Variants in CEP128 observed in about 807,000 individuals in gnomAD.
The protein encoded by CEP128 is centrosomal protein 128.
A neutral mutation model predicts 156.7 loss-of-function variants in CEP128; 132 were observed. The ratio of observed to expected loss-of-function variants is 0.84; its 90% CI spans 0.73 to 0.97. CEP128 has a LOEUF of 0.97. Ranked by LOEUF, CEP128 falls within the 50% of genes least tolerant of loss-of-function variation. CEP128 has a pLI of 0.00. For missense variants in CEP128, 1,252 were observed against 1,281.9 expected, an observed-to-expected ratio of 0.98 and a Z score of 0.36; for synonymous variants, 469 against 448.9, an observed-to-expected ratio of 1.04 and a Z score of -0.57.
intron 19 of CEP128, among the ~76,000 whole-genome samples, chr14:80,619,097 T>G (rs1893353396): frequency 6.6e-6 from 1 of 152,016 alleles, no homozygotes; most frequent in South Asian, 2.1e-4. Flanking sequence ...CCTAAGGAAT[T>G]AAAACTGAAA....
At chr14:80,575,545 C>A (rs770337504) in intron 20 of CEP128, among the ~76,000 whole-genome samples, 2 of 151,944 alleles carry the variant, frequency 1.3e-5, no homozygotes, top group Non-Finnish European at 2.9e-5. Context: ...TAGAAGGTGG[C>A]GGAAGAGGGA....
rs144624686 is a variant in CEP128 at position 80,884,483 on chromosome 14, G to C, written c.645+11235C>G. Among the ~76,000 whole-genome samples the C allele has an allele frequency of 6.2e-3, 939 of 152,286 alleles. 13 individuals carry two copies. The highest frequency in any genetic ancestry group is 0.021 in the African/African-American group (890 of 41,552). On this transcript the variant is annotated intron_variant, in intron 8 of 24. Transcript: ENST00000555265. ...AAGTTCATCTCATTGGGACTGGCTA[G>C]ACAGTGGGTGCAGCCCACAGTGGAT...
In CEP128 at chr14:80,816,865, A is replaced by G. The variant is rs553658147; in HGVS notation, c.1209+14278T>C. On this transcript the variant is annotated intron_variant, in intron 13 of 24. Coordinates refer to ENST00000555265, the MANE Select transcript of CEP128 (RefSeq NM_152446.5). ...GGCTAAGAGCCCTCTTGGGAGTCTGAGAATGCCCCAAAGATTGGCAAAACC... is the reference window on the plus strand; with the variant it reads ...GGCTAAGAGCCCTCTTGGGAGTCTGGGAATGCCCCAAAGATTGGCAAAACC... Among the ~76,000 whole-genome samples the G allele has an allele frequency of 2.6e-4, 40 of 152,272 alleles. 1 individual carries two copies. The highest frequency in any genetic ancestry group is 9.4e-4 in the African/African-American group (39 of 41,548).
At chr14:80,654,844 C>T (rs1223615896) in intron 19 of CEP128, among the ~76,000 whole-genome samples, 1 of 152,078 alleles carries the variant, frequency 6.6e-6, no homozygotes, top group Non-Finnish European at 1.5e-5. Flanking sequence ...TCTTCATGGG[C>T]TTTAACACGT....
At chr14:80,517,690 C>T (rs1225716923) in intron 23 of CEP128, among the ~76,000 whole-genome samples, 1 of 152,138 alleles carries the variant, frequency 6.6e-6, no homozygotes, top group Non-Finnish European at 1.5e-5. Flanking sequence ...GCCTCTTGTT[C>T]TCTGACCTGG....
At chr14:80,651,925 T>C (rs1894922221) in intron 19 of CEP128, among the ~76,000 whole-genome samples, 1 of 152,242 alleles carries the variant, frequency 6.6e-6, no homozygotes, top group Admixed American at 6.5e-5. Context: ...TGTAGATATC[T>C]ATTAGGTCTG....
chr14:80,944,789 T>C (rs548201713), upstream of CEP128, among the ~76,000 whole-genome samples: 1 of 114,156 alleles, frequency 8.8e-6, no homozygotes, highest in African/African-American at 3.4e-5. Context: ...GCCACTGCAC[T>C]GCAGCCTGGG....
chr14:80,706,301 A>C lies in CEP128; in HGVS notation c.2806+36774T>G, dbSNP rs140084021. Among the ~76,000 whole-genome samples the C allele has an allele frequency of 1.6e-3, 250 of 152,262 alleles. 2 individuals carry two copies. Among genetic ancestry groups the C allele is most frequent in the African/African-American group, 5.5e-3 (228 of 41,556 alleles). ...AAATCTTACAAAGAGATCCCTGTAC[A>C]CTTTGCCCAGTTTTCCACAATGGCA... is the stretch of plus-strand genomic sequence containing the variant. On this transcript the variant is annotated intron_variant, in intron 19 of 24. Transcript: ENST00000555265.
chr14:80,498,523 C>A (rs535316991), intron 24 of CEP128, among the ~76,000 whole-genome samples: 1 of 152,264 alleles, frequency 6.6e-6, no homozygotes, highest in South Asian at 2.1e-4. Context: ...GAGACCATGG[C>A]CCTTTCTTCT....
chr14:80,492,565 A>G (rs1244636490), downstream of CEP128, among the ~76,000 whole-genome samples: 1 of 152,172 alleles, frequency 6.6e-6, no homozygotes, highest in Non-Finnish European at 1.5e-5. Flanking sequence ...GAGAGATGAA[A>G]TATTTCCAAT....
At chr14:80,655,727 T>C (rs1194754134) in intron 19 of CEP128, among the ~76,000 whole-genome samples, 1 of 152,104 alleles carries the variant, frequency 6.6e-6, no homozygotes, top group Non-Finnish European at 1.5e-5. Flanking sequence ...GGTAGAAAGA[T>C]AGATGGGTGC....
intron 2 of CEP128, among the ~76,000 whole-genome samples, chr14:80,921,323 G>C (rs999244391): frequency 2.6e-5 from 4 of 152,082 alleles, no homozygotes; most frequent in Non-Finnish European, 5.9e-5. Flanking sequence ...TAATGGATTA[G>C]TGGGCACTGG....
chr14:80,774,800 T>C (rs530917455), intron 16 of CEP128, among the ~76,000 whole-genome samples: 2 of 152,330 alleles, frequency 1.3e-5, no homozygotes, highest in East Asian at 3.9e-4. Context: ...CCCACCTGTT[T>C]GGTTTGCTTA....
chr14:80,766,091 G>A (rs548275825), intron 16 of CEP128, among the ~76,000 whole-genome samples: 1 of 152,294 alleles, frequency 6.6e-6, no homozygotes, highest in African/African-American at 2.4e-5. Context: ...CACTGAACAT[G>A]CATAATATCC....
At chr14:80,935,556 CAATAAATAAATAAATAAATA>C (rs59491221) in intron 2 of CEP128, among the ~76,000 whole-genome samples, 7 of 113,928 alleles carry the variant, frequency 6.1e-5, no homozygotes, top group African/African-American at 1.1e-4. Flanking sequence ...GAGTCTGTCT[CAATAAATAAATAAATAAATA>C]AATAAATAAA....
Position 80,681,229 on chromosome 14 carries a change from T to C in CEP128, c.2806+61846A>G, listed in dbSNP as rs563777556. Among the ~76,000 whole-genome samples, 24 of 151,936 alleles carry C rather than the reference T, an allele frequency of 1.6e-4. No homozygotes were observed. The South Asian group carries it at 2.9e-3, about 18-fold the overall frequency. On this transcript the variant is annotated intron_variant, in intron 19 of 24. Transcript: ENST00000555265. ...GTAAAAAGAAAGGAAAAAAATATTA[T>C]AGGGCAAGGGAAAAACAGAAAAAAA... is the stretch of plus-strand genomic sequence containing the variant.
At chr14:80,713,454 C>A (rs1341655248) in intron 19 of CEP128, among the ~76,000 whole-genome samples, 2 of 152,108 alleles carry the variant, frequency 1.3e-5, no homozygotes, top group Admixed American at 1.3e-4. Flanking sequence ...CTTCACCTGG[C>A]AAACTCCTAT....
chr14:80,907,998 T>C (rs543716647), intron 4 of CEP128, among the ~76,000 whole-genome samples: 1 of 152,206 alleles, frequency 6.6e-6, no homozygotes, highest in Admixed American at 6.5e-5. Flanking sequence ...ATTATTTCCA[T>C]CTTTCAAGCT....
chr14:80,725,343 C>T (rs924435880), intron 19 of CEP128, among the ~76,000 whole-genome samples: 30 of 151,862 alleles, frequency 2.0e-4, no homozygotes, highest in African/African-American at 6.8e-4. Context: ...CCATGACGCC[C>T]GGCTAATTTT....
Sources: allele counts gnomAD v4.1 joint callset (sites outside exome capture counted in the v4.1 genomes callset), GRCh38; gene constraint gnomAD v4.1.1; transcripts MANE v1.5; gene names NCBI Gene and HGNC (gene_info 2026-07-23, HGNC 2026-07-21).